Variants in MDGA2 observed in about 807,000 individuals in gnomAD.
MDGA2 encodes the protein MAM domain containing glycosylphosphatidylinositol anchor 2, also known as MAM domain-containing glycosylphosphatidylinositol anchor protein 2.
A neutral mutation model predicts 117.8 loss-of-function variants in MDGA2; 40 were observed. The observed-to-expected ratio is 0.34, with a 90% CI of 0.26 to 0.44. MDGA2 has a LOEUF of 0.44. Ranked by LOEUF, MDGA2 falls within the 20% of genes least tolerant of loss-of-function variation. The probability of loss-of-function intolerance (pLI) is 1.00; values close to 1 mark genes in which losing one functional copy is unlikely to be tolerated. For missense variants in MDGA2, 1,123 were observed against 1,250.6 expected (o/e 0.90, Z 1.54); for synonymous variants, 452 against 439.0 (o/e 1.03, Z -0.37).
At chr14:47,356,386 C>A (rs1480517744) in intron 1 of MDGA2, among the ~76,000 whole-genome samples, 14 of 152,156 alleles carry the variant, frequency 9.2e-5, no homozygotes, top group Non-Finnish European at 2.9e-5. Context: ...TGAACCCTGT[C>A]TTTTCCTTAT....
chr14:47,604,153 TTTC>T (rs1896697896), intron 1 of MDGA2, among the ~76,000 whole-genome samples: 1 of 152,112 alleles, frequency 6.6e-6, no homozygotes, highest in Admixed American at 6.6e-5. Flanking sequence ...TTGGAAGACT[TTTC>T]TTAACTTACA....
rs545722948 is a variant in MDGA2, at chr14:47,136,108, C to T, written c.793-4262G>A. Reference sequence around the variant, plus strand: ...ATACGTCAAACTTGATTTCCACCAACCCTAATTCTCCATTTCACCAAACAA... The same window carrying T: ...ATACGTCAAACTTGATTTCCACCAATCCTAATTCTCCATTTCACCAAACAA... On this transcript the variant is annotated intron_variant, in intron 4 of 16. Coordinates refer to ENST00000399232, the MANE Select transcript of MDGA2 (RefSeq NM_001113498.3). 2.0e-5 allele frequency among the ~76,000 whole-genome samples: 3 copies of T among 152,110 alleles called. No homozygotes were observed. The South Asian group carries it at 6.2e-4, about 32-fold the overall frequency.
intron 8 of MDGA2, among the ~76,000 whole-genome samples, chr14:47,034,628 T>C (rs1346046324): frequency 6.6e-6 from 1 of 152,034 alleles, no homozygotes; most frequent in Non-Finnish European, 1.5e-5. Context: ...AAAACAAACA[T>C]GTATTACAAC....
rs1437127993 is a variant in MDGA2 at position 47,071,274 on chromosome 14, C to T, written c.1196-9696G>A. 2.6e-5 allele frequency among the ~76,000 whole-genome samples: 4 copies of T among 152,170 alleles called. No individual in the cohort carries two copies. In the East Asian group the frequency reaches 7.7e-4, roughly 29 times the overall value. On this transcript the variant is annotated intron_variant, in intron 6 of 16. Transcript: ENST00000399232. Reference sequence around the variant, plus strand: ...AATCCCTTTATAAAGCTATCTTCTCCAATGTGGTAAGCTCTGTTTAATCTT... The same window carrying T: ...AATCCCTTTATAAAGCTATCTTCTCTAATGTGGTAAGCTCTGTTTAATCTT...
intron 1 of MDGA2, among the ~76,000 whole-genome samples, chr14:47,448,787 T>G (rs1398332355): frequency 1.3e-5 from 2 of 152,176 alleles, no homozygotes; most frequent in Non-Finnish European, 2.9e-5. Context: ...GTCAAAAGTT[T>G]CAGTGGTCCA....
At chr14:47,131,038 T>G (rs1211063667) in intron 5 of MDGA2, among the ~76,000 whole-genome samples, 2 of 151,894 alleles carry the variant, frequency 1.3e-5, no homozygotes, top group Non-Finnish European at 2.9e-5. Flanking sequence ...TGTAAAAATT[T>G]ATATTGATAT....
At chr14:47,081,491 T>G (rs2138891985) in intron 6 of MDGA2, among the ~76,000 whole-genome samples, 1 of 152,292 alleles carries the variant, frequency 6.6e-6, no homozygotes, top group Non-Finnish European at 1.5e-5. Context: ...TTTAGTTTTT[T>G]TCTCCAAGGT....
In MDGA2 at chr14:47,176,061, G is replaced by A. The variant is rs1370420430; in HGVS notation, c.596-31787C>T. Among the ~76,000 whole-genome samples the A allele has an allele frequency of 9.9e-5, 15 of 152,240 alleles. No individual in the cohort carries two copies. The East Asian group carries it at 2.1e-3, about 22-fold the overall frequency. On this transcript the variant is annotated intron_variant, in intron 3 of 16. Transcript: ENST00000399232. ...AACTCCCATTCACAATTGCTTCAAA[G>A]AGAATAAAATACCCAGGAATCCAAC...
At chr14:46,935,744 A>G (rs1954239) in intron 9 of MDGA2, among the ~76,000 whole-genome samples, 98,387 of 151,914 alleles carry the variant, frequency 0.65, 32,744 homozygotes, top group African/African-American at 0.8. Flanking sequence ...CTTCACCATC[A>G]CCACCACTAC....
At position 46,841,719 on chromosome 14, in the gene MDGA2, G is replaced by T. The variant is rs1281346631; in HGVS notation, c.*212C>A. On this transcript the variant is annotated 3_prime_UTR_variant, in exon 17 of 17. Transcript: ENST00000399232. ...AAGGTCTCTTCTCTACTCAGGTCAAGATTATCTTTTATGTTTAGTCTGGAA... is the reference window on the plus strand; with the variant it reads ...AAGGTCTCTTCTCTACTCAGGTCAATATTATCTTTTATGTTTAGTCTGGAA... The T allele has an allele frequency of 1.5e-5, 5 of 330,534 alleles. No homozygotes were observed. The highest frequency in any genetic ancestry group is 2.7e-5 in the Non-Finnish European group (5 of 181,970). 20.5% of individuals were successfully genotyped at this position (330,534 alleles called of 1,614,324 possible).
chr14:47,513,581 G>C (rs1456954476), intron 1 of MDGA2, among the ~76,000 whole-genome samples: 3 of 151,826 alleles, frequency 2.0e-5, no homozygotes, highest in African/African-American at 4.8e-5. Flanking sequence ...ACCCATTCTG[G>C]AAAAATGAAT....
intron 15 of MDGA2, among the ~76,000 whole-genome samples, chr14:46,849,433 T>C (rs1403985845): frequency 6.6e-6 from 1 of 151,914 alleles, no homozygotes; most frequent in African/African-American, 2.4e-5. Flanking sequence ...TGAATTACTT[T>C]AATTAAATTT....
intron 1 of MDGA2, among the ~76,000 whole-genome samples, chr14:47,422,793 A>G (rs796186829): frequency 5.3e-5 from 8 of 152,262 alleles, no homozygotes; most frequent in African/African-American, 1.9e-4. Flanking sequence ...AAGCCACAAT[A>G]CATGTCTCTT....
At chr14:47,373,081 A>G (rs1358257114) in intron 1 of MDGA2, among the ~76,000 whole-genome samples, 1 of 152,118 alleles carries the variant, frequency 6.6e-6, no homozygotes, top group East Asian at 1.9e-4. Flanking sequence ...TATGTGTTTT[A>G]TATGTTTATA....
At chr14:46,954,312 C>T (rs925943971) in intron 9 of MDGA2, among the ~76,000 whole-genome samples, 8 of 151,876 alleles carry the variant, frequency 5.3e-5, no homozygotes, top group Non-Finnish European at 1.0e-4. Flanking sequence ...CTATTCATCT[C>T]GTATAATTTT....
intron 1 of MDGA2, among the ~76,000 whole-genome samples, chr14:47,668,211 T>C (rs1345077495): frequency 1.3e-5 from 2 of 152,112 alleles, no homozygotes; most frequent in African/African-American, 2.4e-5. Flanking sequence ...CTTGGAAAAG[T>C]AGCAAGAAAC....
At chr14:47,599,644 C>T (rs1382804833) in intron 1 of MDGA2, among the ~76,000 whole-genome samples, 1 of 152,090 alleles carries the variant, frequency 6.6e-6, no homozygotes, top group Admixed American at 6.5e-5. Context: ...TAAAATTATA[C>T]TAATGTAGAA....
chr14:47,627,718 G>A (rs1897173843), intron 1 of MDGA2, among the ~76,000 whole-genome samples: 3 of 152,270 alleles, frequency 2.0e-5, no homozygotes, highest in African/African-American at 7.2e-5. Flanking sequence ...AGCCAGCAGT[G>A]GCAACCCGCT....
At chr14:47,559,149 G>A (rs1047939000) in intron 1 of MDGA2, among the ~76,000 whole-genome samples, 8 of 152,092 alleles carry the variant, frequency 5.3e-5, no homozygotes, top group Non-Finnish European at 2.9e-5. Flanking sequence ...GGTAAATTGC[G>A]TGTTGCAAGG....
Sources: gnomAD v4.1 joint callset for allele counts (sites outside exome capture counted in the v4.1 genomes callset) on GRCh38, gnomAD v4.1.1 for gene constraint, MANE v1.5 for transcripts, NCBI Gene and HGNC (gene_info 2026-07-23, HGNC 2026-07-21) for gene names.